Variants in KIAA0586 observed in about 807,000 individuals in gnomAD.
The protein encoded by KIAA0586 is protein TALPID3.
KIAA0586 carries 144 observed loss-of-function variants against 169.8 expected under a neutral mutation model. The observed-to-expected ratio is 0.85, with a 90% CI of 0.74 to 0.97. KIAA0586 has a LOEUF of 0.97. Among genes scored for constraint, KIAA0586 ranks in the 50% least tolerant of loss-of-function variants. KIAA0586 has a pLI of 0.00. For missense variants in KIAA0586, 1,854 were observed against 1,823.0 expected, an observed-to-expected ratio of 1.02 and a Z score of -0.31; for synonymous variants, 625 against 612.4, an observed-to-expected ratio of 1.02 and a Z score of -0.30.
chr14:58,503,441 T>C (rs2043716026), intron 27 of KIAA0586, among the ~76,000 whole-genome samples: 1 of 152,196 alleles, frequency 6.6e-6, no homozygotes, highest in African/African-American at 2.4e-5. Context: ...TGGTAAATTA[T>C]GATAAGAATA....
intron 30 of KIAA0586, among the ~76,000 whole-genome samples, chr14:58,544,526 A>T (rs1319863430): frequency 2.0e-5 from 3 of 152,146 alleles, no homozygotes; most frequent in Non-Finnish European, 4.4e-5. Context: ...CCTCACCAGC[A>T]TCTGTTATTT....
At chr14:58,506,741 T>C (rs1197793594) in intron 27 of KIAA0586, among the ~76,000 whole-genome samples, 2 of 151,954 alleles carry the variant, frequency 1.3e-5, no homozygotes, top group Non-Finnish European at 2.9e-5. Flanking sequence ...TAAAAGCCCA[T>C]TGAAAACCTA....
chr14:58,489,333 C>T (rs1344653906), intron 24 of KIAA0586, among the ~76,000 whole-genome samples: 1 of 151,094 alleles, frequency 6.6e-6, no homozygotes, highest in Non-Finnish European at 1.5e-5. Context: ...GATACTCCCA[C>T]CTCAGCCTTC....
intron 29 of KIAA0586, chr14:58,521,727 GA>G: frequency 2.4e-6 from 2 of 846,838 alleles, no homozygotes; most frequent in Non-Finnish European, 2.1e-6. Flanking sequence ...GAAGAAAATT[GA>G]AAAGGAACAG....
Position 58,490,169 on chromosome 14 carries a change from G to T in KIAA0586, c.3787G>T (p.Glu1263Ter). 1 of 1,375,010 alleles carries T rather than the reference G, an allele frequency of 7.3e-7. No homozygotes were observed. Among genetic ancestry groups the T allele is most frequent in the Non-Finnish European group, 9.8e-7 (1 of 1,016,248 alleles). The allele number at this position is 1,375,010 out of a possible 1,614,324, so 85.2% of individuals were successfully genotyped here. A position where few individuals can be genotyped will look rare whatever the true frequency, so the allele number is the denominator to read the frequency against. ...CGQKLAPKIL[E>*]DIGLYLTNLN... is the part of the protein sequence containing the mutation. ...TTTTATATTTTAATTTCTAGTTTTA[G>T]AAGATATAGGACTGTACCTGACAAA... The change falls in exon 25 of 31, where the codon GAA (glutamate) becomes TAA (stop). Residue 1263 changes from glutamate to a stop codon, truncating the protein, a stop_gained. Transcript: ENST00000652326. LOFTEE classifies it high-confidence loss of function.
Position 58,547,944 on chromosome 14 carries a change from C to G in KIAA0586, c.*12C>G. 6.2e-7 allele frequency: 1 copy of G among 1,612,972 alleles called. No individual in the cohort carries two copies. Among genetic ancestry groups the G allele is most frequent in the Non-Finnish European group, 8.5e-7 (1 of 1,179,322 alleles). ...CAGATACCTTCTGAACGGGAAGAGA[C>G]AGCCAGCACAGTGTTTATGCCACTG... On this transcript the variant is annotated 3_prime_UTR_variant, in exon 31 of 31. Transcript: ENST00000652326.
chr14:58,467,787 C>T lies in KIAA0586; in HGVS notation c.2307C>T (p.Ser769=), dbSNP rs773708059. The change falls in exon 16 of 31, where the codon AGC becomes AGT. Residue 769 remains serine (S), a synonymous_variant. Coordinates refer to ENST00000652326, the MANE Select transcript of KIAA0586 (RefSeq NM_001329943.3). ...TGCCACCTGCTGGAGTGATTGTCAG[C>T]AAGCCACACCCTGTAACTGTGACTA... The part of the protein sequence containing the change: ...DTMPPAGVIV[S]KPHPVTVTTS... 6.2e-7 allele frequency: 1 copy of T among 1,613,636 alleles called. No individual in the cohort carries two copies. Among genetic ancestry groups the T allele is most frequent in the Non-Finnish European group, 8.5e-7 (1 of 1,179,692 alleles).
intron 30 of KIAA0586, among the ~76,000 whole-genome samples, chr14:58,541,152 G>C (rs774068939): frequency 1.3e-5 from 2 of 152,238 alleles, no homozygotes; most frequent in Non-Finnish European, 2.9e-5. Context: ...ATCTAAGCAA[G>C]CTGTTAGCAA....
chr14:58,477,632 G>A (rs963196154), intron 20 of KIAA0586, among the ~76,000 whole-genome samples: 16 of 152,252 alleles, frequency 1.1e-4, no homozygotes, highest in Admixed American at 8.5e-4. Flanking sequence ...TACCCAACAA[G>A]AGTTTAAGTA....
intron 29 of KIAA0586, among the ~76,000 whole-genome samples, chr14:58,524,319 CTTA>C (rs2045426037): frequency 6.6e-6 from 1 of 152,112 alleles, no homozygotes; most frequent in South Asian, 2.1e-4. Flanking sequence ...GTGATATAGT[CTTA>C]TTATGCATAT....
intron 6 of KIAA0586, 120 bp downstream of exon 6, chr14:58,444,295 G>T: frequency 1.5e-6 from 1 of 684,788 alleles, no homozygotes; most frequent in Non-Finnish European, 2.5e-6. Context: ...CTGAAATCAT[G>T]ATTTGCTTAT....
At position 58,532,997 on chromosome 14, in the gene KIAA0586, G is replaced by A. The variant is rs150869877; in HGVS notation, c.4430-7074G>A. Among the ~76,000 whole-genome samples, 323 of 152,130 alleles carry A rather than the reference G, an allele frequency of 2.1e-3. 3 individuals carry two copies. Among genetic ancestry groups the A allele is most frequent in the Middle Eastern group, 0.01 (3 of 294 alleles). ...TCAGAATGGTCAGGAACCTTTTTTT[G>A]TGATAAGCCTCACAGAGGCTATGGA... On this transcript the variant is annotated intron_variant, in intron 29 of 30. Coordinates refer to ENST00000652326, the MANE Select transcript of KIAA0586 (RefSeq NM_001329943.3).
Position 58,479,239 on chromosome 14 carries a change from C to G in KIAA0586, c.2944+1998C>G, listed in dbSNP as rs537240981. Reference sequence around the variant, plus strand: ...TTTCTGAACATATGTGGAGGTATTTCCCTAACTATACTAATACCTGAGTAG... The same window carrying G: ...TTTCTGAACATATGTGGAGGTATTTGCCTAACTATACTAATACCTGAGTAG... On this transcript the variant is annotated intron_variant, in intron 20 of 30. Coordinates refer to ENST00000652326, the MANE Select transcript of KIAA0586 (RefSeq NM_001329943.3). Among the ~76,000 whole-genome samples, 13 of 152,276 alleles carry G rather than the reference C, an allele frequency of 8.5e-5. No homozygotes were observed. In the South Asian group the frequency reaches 2.7e-3, roughly 32 times the overall value.
intron 30 of KIAA0586, among the ~76,000 whole-genome samples, chr14:58,544,642 T>C (rs2046869953): frequency 6.6e-6 from 1 of 152,260 alleles, no homozygotes; most frequent in African/African-American, 2.4e-5. Flanking sequence ...TTTATTCATA[T>C]ACTTGCTGGC....
At chr14:58,467,139 T>C (rs760392761) in intron 15 of KIAA0586, among the ~76,000 whole-genome samples, 1 of 152,208 alleles carries the variant, frequency 6.6e-6, no homozygotes, top group East Asian at 1.9e-4. Flanking sequence ...TTTAAACATA[T>C]CTCCTAGTAA....
At chr14:58,555,929 T>C (rs1369191174), downstream of KIAA0586, among the ~76,000 whole-genome samples, 1 of 151,482 alleles carries the variant, frequency 6.6e-6, no homozygotes, top group African/African-American at 2.4e-5. Flanking sequence ...TGTTTAGCAT[T>C]TGAGCTAGCA....
chr14:58,540,243 C>G (rs1431675323), intron 30 of KIAA0586, 107 bp downstream of exon 30: 1 of 626,570 alleles, frequency 1.6e-6, no homozygotes, highest in Non-Finnish European at 2.7e-6. Flanking sequence ...ATACTAATAG[C>G]AATTTTTAAT....
At chr14:58,450,983 C>CTTT (rs10712126) in intron 8 of KIAA0586, among the ~76,000 whole-genome samples, 7 of 85,384 alleles carry the variant, frequency 8.2e-5, no homozygotes, top group South Asian at 3.7e-4. Context: ...GTTTTGTTAA[C>CTTT]TTTTTTTTTT....
intron 20 of KIAA0586, among the ~76,000 whole-genome samples, chr14:58,481,418 C>A (rs2042021956): frequency 6.6e-6 from 1 of 152,210 alleles, no homozygotes; most frequent in South Asian, 2.1e-4. Flanking sequence ...TATAGGACAT[C>A]TGATAACAAG....
Sources: gnomAD v4.1 joint callset for allele counts (sites outside exome capture counted in the v4.1 genomes callset) on GRCh38, gnomAD v4.1.1 for gene constraint, MANE v1.5 for transcripts, NCBI Gene and HGNC (gene_info 2026-07-23, HGNC 2026-07-21) for gene names.